The following ANKRD30BL variants were observed in gnomAD, a reference collection of about 807,000 sequenced individuals.
ANKRD30BL encodes ankyrin repeat domain 30B like.
Under a neutral mutation model 18.4 loss-of-function variants are expected in ANKRD30BL, and 20 were observed. The ratio of observed to expected loss-of-function variants is 1.09; its 90% CI spans 0.77 to 1.58. The LOEUF (loss-of-function observed/expected upper bound fraction) is 1.58, where lower values mean the gene tolerates loss of function less well. ANKRD30BL is among the 40% of genes most tolerant of loss of function. The pLI is 0.00. For synonymous variants in ANKRD30BL, 72 were observed against 100.9 expected, an observed-to-expected ratio of 0.71 and a Z score of 1.72; for missense variants, 224 against 268.6, an observed-to-expected ratio of 0.83 and a Z score of 1.16.
chr2:132,231,290 C>A (rs186079609), intron 1 of ANKRD30BL, among the ~76,000 whole-genome samples: 10 of 152,192 alleles, frequency 6.6e-5, no homozygotes, highest in Non-Finnish European at 1.2e-4. Flanking sequence ...ATATTTGGAC[C>A]GCTTTGAGGC....
intron 1 of ANKRD30BL, among the ~76,000 whole-genome samples, chr2:132,221,162 C>T (rs192234518): frequency 0.037 from 5,347 of 146,088 alleles, 667 homozygotes; most frequent in East Asian, 0.25. Flanking sequence ...GCATCTCCGC[C>T]CGGCAGCCAC....
At chr2:132,179,906 G>T (rs570752223) in intron 1 of ANKRD30BL, among the ~76,000 whole-genome samples, 87 of 152,278 alleles carry the variant, frequency 5.7e-4, no homozygotes, top group African/African-American at 1.9e-3. Flanking sequence ...TAGATATAAA[G>T]AAATGATATT....
At chr2:132,243,314 G>T (rs961751170) in intron 1 of ANKRD30BL, among the ~76,000 whole-genome samples, 1 of 151,628 alleles carries the variant, frequency 6.6e-6, no homozygotes, top group African/African-American at 2.4e-5. Flanking sequence ...TGATACAGCA[G>T]TTTTGAAAAA....
chr2:132,186,894 G>A (rs1308076811), intron 1 of ANKRD30BL, among the ~76,000 whole-genome samples: 3 of 151,814 alleles, frequency 2.0e-5, no homozygotes, highest in African/African-American at 7.3e-5. Context: ...AATTGCATAG[G>A]ACATATGAAT....
chr2:132,202,822 G>A (rs1159843054), intron 1 of ANKRD30BL, among the ~76,000 whole-genome samples: 2 of 152,270 alleles, frequency 1.3e-5, no homozygotes, highest in Middle Eastern at 3.4e-3. Context: ...TTGCACAATG[G>A]CCAGAACAGA....
At chr2:132,237,861 A>C (rs1004291960) in intron 1 of ANKRD30BL, among the ~76,000 whole-genome samples, 2 of 152,112 alleles carry the variant, frequency 1.3e-5, no homozygotes, top group Non-Finnish European at 2.9e-5. Context: ...ACAGAGTTGA[A>C]CTTTTCTTTT....
At chr2:132,175,721 C>T (rs1352108585) in intron 1 of ANKRD30BL, among the ~76,000 whole-genome samples, 2 of 152,202 alleles carry the variant, frequency 1.3e-5, no homozygotes, top group South Asian at 2.1e-4. Flanking sequence ...TGCGGCTTTC[C>T]GCAGTGCATT....
chr2:132,225,017 T>C (rs1425787640), intron 1 of ANKRD30BL, among the ~76,000 whole-genome samples: 1 of 151,978 alleles, frequency 6.6e-6, no homozygotes, highest in Admixed American at 6.6e-5. Flanking sequence ...CTTAGAAACT[T>C]CTGTGTGCTG....
At chr2:132,180,232 T>G (rs1014192458) in intron 1 of ANKRD30BL, among the ~76,000 whole-genome samples, 4 of 151,822 alleles carry the variant, frequency 2.6e-5, no homozygotes, top group Non-Finnish European at 5.9e-5. Context: ...TTTTTTTTTT[T>G]TTTTTACTGC....
intron 1 of ANKRD30BL, among the ~76,000 whole-genome samples, chr2:132,210,073 T>C (rs76047281): frequency 2.5e-4 from 38 of 152,312 alleles, no homozygotes; most frequent in African/African-American, 8.9e-4. Flanking sequence ...TTCTTCATGA[T>C]GTGTGCATTC....
intron 1 of ANKRD30BL, among the ~76,000 whole-genome samples, chr2:132,182,712 G>A (rs1688491774): frequency 6.6e-6 from 1 of 152,026 alleles, no homozygotes; most frequent in South Asian, 2.1e-4. Flanking sequence ...TAAAAAAATA[G>A]TAACTTTAAT....
chr2:132,232,957 A>C (rs201742285), intron 1 of ANKRD30BL, among the ~76,000 whole-genome samples: 1 of 152,154 alleles, frequency 6.6e-6, no homozygotes, highest in Non-Finnish European at 1.5e-5. Context: ...TACCCTCAAA[A>C]GGAAGCCCAC....
At chr2:132,203,727 T>C (rs938255639) in intron 1 of ANKRD30BL, among the ~76,000 whole-genome samples, 10 of 152,034 alleles carry the variant, frequency 6.6e-5, no homozygotes, top group Non-Finnish European at 1.0e-4. Context: ...GGTAGAATAA[T>C]AAAAATAAAG....
intron 1 of ANKRD30BL, among the ~76,000 whole-genome samples, chr2:132,234,207 A>G (rs550279585): frequency 2.4e-4 from 36 of 152,336 alleles, no homozygotes; most frequent in Non-Finnish European, 4.1e-4. Context: ...GGAAATTTAT[A>G]GCACTAAATG....
At chr2:132,201,917 A>C (rs1464586870) in intron 1 of ANKRD30BL, among the ~76,000 whole-genome samples, 1 of 152,250 alleles carries the variant, frequency 6.6e-6, no homozygotes, top group African/African-American at 2.4e-5. Context: ...GATAGACTGG[A>C]TTAAGAAAAT....
intron 1 of ANKRD30BL, among the ~76,000 whole-genome samples, chr2:132,241,172 T>G (rs1448400969): frequency 6.6e-6 from 1 of 151,884 alleles, no homozygotes; most frequent in African/African-American, 2.4e-5. Context: ...AAAAGAAATA[T>G]CTTCCCATAA....
chr2:132,166,685 TTCTC>T (rs1688192995), upstream of ANKRD30BL, among the ~76,000 whole-genome samples: 1 of 152,036 alleles, frequency 6.6e-6, no homozygotes, highest in African/African-American at 2.4e-5. Context: ...AAGTTGTTCA[TTCTC>T]TCTTTTTTTC....
In ANKRD30BL at chr2:132,217,668, C is replaced by T. The variant is rs545190768; in HGVS notation, n.441+39861G>A. Among the ~76,000 whole-genome samples the T allele has an allele frequency of 2.6e-5, 4 of 152,394 alleles. No individual in the cohort carries two copies. The East Asian group carries it at 5.8e-4, about 22-fold the overall frequency. ...CTTTGTGATGTGTACATTCATGTCA[C>T]AGAGTTGAACCTTTCTTTTTATAGA... On this transcript the variant is annotated intron_variant and non_coding_transcript_variant, in intron 1 of 4. Transcript: ENST00000470729.
chr2:132,241,843 A>G (rs946941743), intron 1 of ANKRD30BL, among the ~76,000 whole-genome samples: 3 of 148,464 alleles, frequency 2.0e-5, no homozygotes, highest in African/African-American at 7.4e-5. Context: ...TTTCGTTGGA[A>G]ACGGGAATAT....
Sources: gnomAD v4.1 joint callset for allele counts (sites outside exome capture counted in the v4.1 genomes callset) on GRCh38, gnomAD v4.1.1 for gene constraint, MANE v1.5 for transcripts, NCBI Gene and HGNC (gene_info 2026-07-23, HGNC 2026-07-21) for gene names.